JAKMIP3: variants seen among roughly 807,000 people sequenced by gnomAD.
JAKMIP3 encodes the protein Janus kinase and microtubule interacting protein 3, also known as janus kinase and microtubule-interacting protein 3.
A neutral mutation model predicts 118.5 loss-of-function variants in JAKMIP3; 58 were observed. The observed-to-expected ratio is 0.49, with a 90% CI of 0.40 to 0.61. The LOEUF (loss-of-function observed/expected upper bound fraction) is 0.61, where lower values mean the gene tolerates loss of function less well. Ranked by LOEUF, JAKMIP3 falls within the 20% of genes least tolerant of loss-of-function variation. The pLI is 0.00. For synonymous variants in JAKMIP3, 486 were observed against 451.2 expected (o/e 1.08, Z -0.98); for missense variants, 950 against 1,109.0 (o/e 0.86, Z 2.04).
intron 1 of JAKMIP3, among the ~76,000 whole-genome samples, chr10:132,099,595 C>A (rs1253536545): frequency 7.2e-5 from 11 of 152,194 alleles, no homozygotes; most frequent in Admixed American, 7.2e-4. Flanking sequence ...CTCAACCTCT[C>A]TTGCATATGC....
chr10:132,118,903 G>T lies in JAKMIP3; in HGVS notation c.633+1329G>T, dbSNP rs1260859084. ...GAAGCGTTGCCACTGTCCCGGGAAG[G>T]TGGGAGGGACAGGTGGCTGCCTCTG... is the stretch of plus-strand genomic sequence containing the variant. On this transcript the variant is annotated intron_variant, in intron 3 of 23. Transcript: ENST00000684848. This position sits in a 1 kb window ranked among gnomAD's most constrained non-coding sequence, Gnocchi z 4.8. Among the ~76,000 whole-genome samples, 3 of 152,354 alleles carry T rather than the reference G, an allele frequency of 2.0e-5. No homozygotes were observed. Among genetic ancestry groups the T allele is most frequent in the Admixed American group, 6.5e-5 (1 of 15,306 alleles).
At chr10:132,115,350 G>T (rs1307862179) in intron 2 of JAKMIP3, among the ~76,000 whole-genome samples, 1 of 152,200 alleles carries the variant, frequency 6.6e-6, no homozygotes, top group Non-Finnish European at 1.5e-5. Context: ...ATCAGAGGGG[G>T]ACTCTGGGCC....
intron 2 of JAKMIP3, among the ~76,000 whole-genome samples, chr10:132,105,990 GAA>G (rs1195558980): frequency 2.2e-5 from 2 of 92,738 alleles, no homozygotes; most frequent in African/African-American, 1.2e-4. Context: ...CATATCAAAA[GAA>G]GAAGAATGTT....
intron 1 of JAKMIP3, among the ~76,000 whole-genome samples, chr10:132,097,195 C>T (rs1249456080): frequency 2.0e-5 from 3 of 152,244 alleles, no homozygotes; most frequent in African/African-American, 7.2e-5. Flanking sequence ...CTCTGGAGAC[C>T]AGCTGGGCAA....
chr10:132,148,499 G>A (rs1170189158), intron 14 of JAKMIP3, among the ~76,000 whole-genome samples: 2 of 96,258 alleles, frequency 2.1e-5, no homozygotes, highest in African/African-American at 6.4e-5. Context: ...CCAAGGAGCC[G>A]GCACGTCCGT....
intron 3 of JAKMIP3, among the ~76,000 whole-genome samples, chr10:132,127,486 C>T (rs2049849879): frequency 6.6e-6 from 1 of 152,006 alleles, no homozygotes; most frequent in African/African-American, 2.4e-5. Flanking sequence ...AACTCCTGAC[C>T]TCAGTTGATC....
At chr10:132,111,349 A>ACC (rs10636960) in intron 2 of JAKMIP3, among the ~76,000 whole-genome samples, 14,673 of 151,242 alleles carry the variant, frequency 0.097, 815 homozygotes, top group East Asian at 0.27. Context: ...TGGAGCAGAG[A>ACC]CCCCCCCCAT....
chr10:132,150,633 AATCC>A (rs1206785302), intron 16 of JAKMIP3, among the ~76,000 whole-genome samples: 1 of 151,938 alleles, frequency 6.6e-6, no homozygotes, highest in Non-Finnish European at 1.5e-5. Flanking sequence ...TATCCTGTGT[AATCC>A]ATCCATCCAT....
At chr10:132,147,863 C>T in intron 13 of JAKMIP3, 89 bp from the exon 14 acceptor site, 1 of 927,590 alleles carries the variant, frequency 1.1e-6, no homozygotes, top group Non-Finnish European at 1.6e-6. Flanking sequence ...CGGCAGCCAG[C>T]AGCTGTCCCG....
upstream of JAKMIP3, among the ~76,000 whole-genome samples, chr10:132,065,766 G>A (rs1170401353): frequency 6.6e-6 from 1 of 151,996 alleles, no homozygotes; most frequent in Non-Finnish European, 1.5e-5. This position sits in a 1 kb window ranked among gnomAD's most constrained non-coding sequence, Gnocchi z 5.6. Flanking sequence ...GCAGGGAGCT[G>A]GGCTGGGGGC....
chr10:132,067,268 G>A (rs1350633334), intron 1 of JAKMIP3, among the ~76,000 whole-genome samples: 1 of 139,118 alleles, frequency 7.2e-6, no homozygotes, highest in Non-Finnish European at 1.6e-5. Flanking sequence ...CCTTCTCCAA[G>A]GCTGAGGGTG....
Position 132,157,207 on chromosome 10 carries a change from TCTC to T in JAKMIP3, c.2220+3220_2220+3222del, listed in dbSNP as rs913882193. On this transcript the variant is annotated intron_variant, in intron 19 of 23. Coordinates refer to ENST00000684848, the MANE Select transcript of JAKMIP3 (RefSeq NM_001323087.2). Reference sequence around the variant, plus strand: ...AGGGGACCCCACTTGCTGGTTCTCTTCTCCTTCTCTGAAGTGCGGGGTGTAACC... The same window carrying T: ...AGGGGACCCCACTTGCTGGTTCTCTTCTTCTCTGAAGTGCGGGGTGTAACC... 3.9e-5 allele frequency among the ~76,000 whole-genome samples: 6 copies of T among 152,258 alleles called. No homozygotes were observed. The East Asian group carries it at 9.6e-4, about 24-fold the overall frequency.
At chr10:132,114,147 C>G (rs931141470) in intron 2 of JAKMIP3, among the ~76,000 whole-genome samples, 1 of 152,278 alleles carries the variant, frequency 6.6e-6, no homozygotes, top group African/African-American at 2.4e-5. Flanking sequence ...CCTAGGCCAC[C>G]TGACTCCAGC....
intron 19 of JAKMIP3, among the ~76,000 whole-genome samples, chr10:132,155,628 G>C (rs1472441873): frequency 7.2e-5 from 11 of 152,234 alleles, no homozygotes; most frequent in Non-Finnish European, 1.5e-5. Flanking sequence ...CTGGGTTTGA[G>C]GCCCAGCTCA....
At chr10:132,077,070 A>T (rs1262889024) in intron 1 of JAKMIP3, among the ~76,000 whole-genome samples, 1 of 152,132 alleles carries the variant, frequency 6.6e-6, no homozygotes, top group Non-Finnish European at 1.5e-5. Context: ...GGCAGCCTCC[A>T]CCCCAGCGTG....
intron 20 of JAKMIP3, among the ~76,000 whole-genome samples, chr10:132,163,631 C>A (rs2058600608): frequency 8.1e-6 from 1 of 123,008 alleles, no homozygotes; most frequent in Admixed American, 7.2e-5. Context: ...ATGGCCACAC[C>A]TTCTGATGAT....
chr10:132,097,911 CCCCTTCCCCTTT>C (rs1455651699), intron 1 of JAKMIP3, among the ~76,000 whole-genome samples: 2 of 21,512 alleles, frequency 9.3e-5, no homozygotes, highest in Admixed American at 9.4e-4. Context: ...CCTTCCCCTT[CCCCTTCCCCTTT>C]CCTTCCCCTT....
In JAKMIP3 at chr10:132,153,943, G is replaced by A. The variant is rs2056666400; in HGVS notation, c.2173G>A (p.Asp725Asn). 2 of 1,613,040 alleles carry A rather than the reference G, an allele frequency of 1.2e-6. No individual in the cohort carries two copies. The highest frequency in any genetic ancestry group is 1.7e-6 in the Non-Finnish European group (2 of 1,179,888). ...GTTCAGTAAGCAGAAGGGCTACCTGGACGAGGAGCTGGACTACCGGAAACA... is the reference window on the plus strand; with the variant it reads ...GTTCAGTAAGCAGAAGGGCTACCTGAACGAGGAGCTGGACTACCGGAAACA... ...ELFSKQKGYL[D>N]EELDYRKQAL... is the part of the protein sequence containing the mutation. The change falls in exon 19 of 24, where the codon GAC becomes AAC. Residue 725 changes from aspartate (D) to asparagine (N), a missense_variant. Physicochemically the swap from Asp to Asn is conservative, Grantham distance 23. Coordinates refer to ENST00000684848, the MANE Select transcript of JAKMIP3 (RefSeq NM_001323087.2).
rs1297351711 is a variant in JAKMIP3 at position 132,184,030 on chromosome 10, G to C, written c.*2777G>C. 6.6e-6 allele frequency: 1 copy of C among 152,194 alleles called. No homozygotes were observed. The highest frequency in any genetic ancestry group is 1.5e-5 in the Non-Finnish European group (1 of 68,036). 9.4% of individuals were successfully genotyped at this position (152,194 alleles called of 1,614,324 possible). On this transcript the variant is annotated 3_prime_UTR_variant, in exon 24 of 24. Coordinates refer to ENST00000684848, the MANE Select transcript of JAKMIP3 (RefSeq NM_001323087.2). The stretch of plus-strand genomic sequence containing the variant: ...CACCCCCTAATAAGGCAAGAGGAAG[G>C]ACCCTGAAATGTTGCCAGAAATGTA...
Sources: gnomAD v4.1 joint callset for allele counts (sites outside exome capture counted in the v4.1 genomes callset) on GRCh38, gnomAD v4.1.1 for gene constraint, Gnocchi (gnomAD v3.1) non-coding constraint, MANE v1.5 for transcripts, NCBI Gene and HGNC (gene_info 2026-07-23, HGNC 2026-07-21) for gene names.